PDLIM5: variants seen among roughly 807,000 people sequenced by gnomAD.
PDLIM5 encodes the protein PDZ and LIM domain protein 5.
Under a neutral mutation model 64.2 loss-of-function variants are expected in PDLIM5, and 34 were observed. That is an observed-to-expected ratio of 0.53 (90% CI 0.40 to 0.71). The LOEUF (loss-of-function observed/expected upper bound fraction) is 0.71. Ranked by LOEUF, PDLIM5 falls within the 30% of genes least tolerant of loss-of-function variation. The probability of loss-of-function intolerance (pLI) is 0.00; values close to 1 mark genes in which losing one functional copy is unlikely to be tolerated. For synonymous variants in PDLIM5, 253 were observed against 269.1 expected (o/e 0.94, Z 0.59); for missense variants, 683 against 733.6 (o/e 0.93, Z 0.80).
chr4:94,558,746 T>C (rs555339049), intron 3 of PDLIM5, among the ~76,000 whole-genome samples: 9 of 152,018 alleles, frequency 5.9e-5, no homozygotes, highest in Non-Finnish European at 8.8e-5. Flanking sequence ...TTTTTTATTC[T>C]AGCTGAAATA....
At chr4:94,538,877 T>C (rs1363453224) in intron 3 of PDLIM5, among the ~76,000 whole-genome samples, 3 of 152,130 alleles carry the variant, frequency 2.0e-5, no homozygotes, top group African/African-American at 7.2e-5. Context: ...TTAAAGAAAT[T>C]GGAAAAGTGT....
intron 8 of PDLIM5, among the ~76,000 whole-genome samples, chr4:94,633,307 C>A (rs1740302176): frequency 6.6e-6 from 1 of 152,138 alleles, no homozygotes; most frequent in African/African-American, 2.4e-5. Context: ...TCCTTAGCAT[C>A]TTCTATACCT....
At chr4:94,527,046 C>CTTT (rs57625095) in intron 3 of PDLIM5, among the ~76,000 whole-genome samples, 4,938 of 57,824 alleles carry the variant, frequency 0.085, 1,145 homozygotes, top group East Asian at 0.2. Flanking sequence ...GAACAGCATT[C>CTTT]TTTTTTTTTT....
intron 3 of PDLIM5, among the ~76,000 whole-genome samples, chr4:94,553,462 C>T (rs1185383320): frequency 5.3e-5 from 8 of 152,316 alleles, no homozygotes; most frequent in Middle Eastern, 3.4e-3. Flanking sequence ...TAGTACTTCT[C>T]TTGCCATCTT....
At chr4:94,631,103 G>A (rs1341066127) in intron 8 of PDLIM5, among the ~76,000 whole-genome samples, 1 of 139,952 alleles carries the variant, frequency 7.1e-6, no homozygotes, top group Non-Finnish European at 1.5e-5. Context: ...GGGTCTCACT[G>A]TGTTGCCCAG....
intron 3 of PDLIM5, among the ~76,000 whole-genome samples, chr4:94,541,545 G>A (rs1731807002): frequency 6.6e-6 from 1 of 152,208 alleles, no homozygotes; most frequent in Non-Finnish European, 1.5e-5. Context: ...CAGTTTTGTG[G>A]GGGCAGCCCC....
rs190418446 is a variant in PDLIM5 at position 94,657,926 on chromosome 4, G to A, written c.1585+379G>A. Among the ~76,000 whole-genome samples the A allele has an allele frequency of 8.2e-4, 125 of 152,196 alleles. 4 individuals carry two copies. The East Asian group carries it at 0.023, about 28-fold the overall frequency. ...TCGTCATGTTGGCCCGGCTGGTCTC[G>A]AACTCCCGACGTCAGGTGATCCACC... is the stretch of plus-strand genomic sequence containing the variant. On this transcript the variant is annotated intron_variant, in intron 11 of 12. Coordinates refer to ENST00000317968, the MANE Select transcript of PDLIM5 (RefSeq NM_006457.5).
chr4:94,574,020 A>G (rs1424345635), intron 4 of PDLIM5, among the ~76,000 whole-genome samples: 2 of 152,180 alleles, frequency 1.3e-5, no homozygotes, highest in African/African-American at 4.8e-5. Context: ...CCATTGCAGC[A>G]TTTCAGATTT....
At chr4:94,455,823 C>T (rs1421960798) in intron 2 of PDLIM5, 1 of 1,481,836 alleles carries the variant, frequency 6.7e-7, no homozygotes, top group African/African-American at 1.4e-5. Context: ...CCTCAGCTCA[C>T]TTTCTGGTGG....
Position 94,573,729 on chromosome 4 carries a change from A to G in PDLIM5, c.291+336A>G, listed in dbSNP as rs1387040488. 9 of 286,136 alleles carry G rather than the reference A, an allele frequency of 3.1e-5. No individual in the cohort carries two copies. In the East Asian group the frequency reaches 4.3e-4, roughly 14 times the overall value. The allele number at this position is 286,136 out of a possible 1,614,324, so 17.7% of individuals were successfully genotyped here. A position where few individuals can be genotyped will look rare whatever the true frequency, so the allele number is the denominator to read the frequency against. On this transcript the variant is annotated intron_variant, in intron 4 of 12. Transcript: ENST00000317968. ...AAATAAGTGGTTACTGAAAATTAATATCACAATAAGTCTTTAATAACATTT... is the reference window on the plus strand; with the variant it reads ...AAATAAGTGGTTACTGAAAATTAATGTCACAATAAGTCTTTAATAACATTT...
At chr4:94,610,155 T>C (rs1196409775) in intron 7 of PDLIM5, 3 of 1,506,128 alleles carry the variant, frequency 2.0e-6, no homozygotes, top group South Asian at 2.5e-5. Flanking sequence ...TTTCCCTACC[T>C]GTCAGTTTAA....
intron 2 of PDLIM5, among the ~76,000 whole-genome samples, chr4:94,517,721 G>C (rs1729484059): frequency 6.6e-6 from 1 of 152,142 alleles, no homozygotes; most frequent in African/African-American, 2.4e-5. Context: ...CATAGTGTTA[G>C]GGTCATGTGT....
At chr4:94,466,619 C>G (rs1052983083) in intron 2 of PDLIM5, among the ~76,000 whole-genome samples, 1 of 152,010 alleles carries the variant, frequency 6.6e-6, no homozygotes, top group African/African-American at 2.4e-5. Context: ...ATCATTTCAG[C>G]AAAAATGTTA....
intron 2 of PDLIM5, among the ~76,000 whole-genome samples, chr4:94,503,994 T>G (rs965282209): frequency 1.3e-5 from 2 of 152,206 alleles, no homozygotes; most frequent in Non-Finnish European, 2.9e-5. Flanking sequence ...ATATCCTGTT[T>G]AGAAATAATA....
chr4:94,565,839 G>A (rs3805272), intron 3 of PDLIM5, among the ~76,000 whole-genome samples: 33,215 of 151,986 alleles, frequency 0.22, 3,904 homozygotes, highest in African/African-American at 0.29. Flanking sequence ...TTATTTATGT[G>A]CATATTGTAC....
At chr4:94,630,494 C>T (rs1740055620) in intron 8 of PDLIM5, among the ~76,000 whole-genome samples, 1 of 152,048 alleles carries the variant, frequency 6.6e-6, no homozygotes, top group South Asian at 2.1e-4. Flanking sequence ...CCTGCCTCGG[C>T]CTAACAGTAG....
At chr4:94,626,648 G>A (rs900882580) in intron 8 of PDLIM5, among the ~76,000 whole-genome samples, 6 of 151,990 alleles carry the variant, frequency 3.9e-5, no homozygotes, top group South Asian at 2.1e-4. Context: ...TAGATCATTT[G>A]GCTAAGATTC....
At chr4:94,471,186 T>C (rs1724839670) in intron 2 of PDLIM5, among the ~76,000 whole-genome samples, 2 of 152,190 alleles carry the variant, frequency 1.3e-5, no homozygotes, top group African/African-American at 2.4e-5. Context: ...ATATTCAAGA[T>C]CAGCTTTTTA....
intron 3 of PDLIM5, among the ~76,000 whole-genome samples, chr4:94,537,791 G>T (rs12645971): frequency 0.44 from 67,577 of 151,982 alleles, 16,579 homozygotes; most frequent in South Asian, 0.68. Flanking sequence ...CACACAACTT[G>T]TAAGTAAATA....
Sources: gnomAD v4.1 joint callset for allele counts (sites outside exome capture counted in the v4.1 genomes callset) on GRCh38, gnomAD v4.1.1 for gene constraint, MANE v1.5 for transcripts, NCBI Gene and HGNC (gene_info 2026-07-23, HGNC 2026-07-21) for gene names.